The following ROBO1 variants were observed in gnomAD, a reference collection of about 807,000 sequenced individuals.
The protein encoded by ROBO1 is roundabout homolog 1.
In ROBO1, 149 loss-of-function variants were observed where a neutral mutation model predicts 195.9. The ratio of observed to expected loss-of-function variants is 0.76; its 90% CI spans 0.67 to 0.87. ROBO1 has a LOEUF of 0.87. ROBO1 is among the 40% of genes least tolerant of loss of function. The pLI is 0.00. For synonymous variants in ROBO1, 816 were observed against 733.2 expected (o/e 1.11, Z -1.82); for missense variants, 1,933 against 2,068.3 (o/e 0.93, Z 1.27).
intron 18 of ROBO1, among the ~76,000 whole-genome samples, chr3:78,654,612 G>A (rs534447258): frequency 1.3e-4 from 20 of 152,198 alleles, no homozygotes; most frequent in Non-Finnish European, 2.5e-4. Flanking sequence ...CAACCAGATG[G>A]ACTTAACAGA....
At chr3:78,997,565 T>A (rs910697589) in intron 3 of ROBO1, among the ~76,000 whole-genome samples, 4 of 151,948 alleles carry the variant, frequency 2.6e-5, no homozygotes, top group African/African-American at 9.7e-5. Context: ...CACACAGAGA[T>A]CAAGAAGAAA....
chr3:78,752,965 C>T (rs2082834996), intron 4 of ROBO1, among the ~76,000 whole-genome samples: 1 of 152,082 alleles, frequency 6.6e-6, no homozygotes, highest in Admixed American at 6.6e-5. Context: ...AGAAAATATG[C>T]TGGTAGAAGC....
chr3:78,695,350 G>C (rs533942681), intron 8 of ROBO1, among the ~76,000 whole-genome samples: 1 of 152,140 alleles, frequency 6.6e-6, no homozygotes, highest in Non-Finnish European at 1.5e-5. Context: ...TTTAGGCTGG[G>C]TGACGTGGCT....
At chr3:79,195,518 T>C (rs1380127619) in intron 2 of ROBO1, among the ~76,000 whole-genome samples, 1 of 151,666 alleles carries the variant, frequency 6.6e-6, no homozygotes, top group Non-Finnish European at 1.5e-5. Flanking sequence ...CTTTTTACTT[T>C]TTGAAAATTA....
At chr3:79,070,506 T>C (rs546097062) in intron 3 of ROBO1, among the ~76,000 whole-genome samples, 1 of 151,898 alleles carries the variant, frequency 6.6e-6, no homozygotes, top group Non-Finnish European at 1.5e-5. Context: ...GTTGAAGATA[T>C]TATTCCAACG....
In ROBO1 at chr3:78,724,089, G is replaced by T. The variant is rs1281460919; in HGVS notation, c.658-6206C>A. Among the ~76,000 whole-genome samples, 3 of 152,100 alleles carry T rather than the reference G, an allele frequency of 2.0e-5. No individual in the cohort carries two copies. In the East Asian group the frequency reaches 5.8e-4, roughly 29 times the overall value. ...GAGACACTGCCTCAGGGATGATAGA[G>T]ATAGAAACTGGTAAAAGTGAAAGAA... is the stretch of plus-strand genomic sequence containing the variant. On this transcript the variant is annotated intron_variant, in intron 5 of 30. Coordinates refer to ENST00000464233, the MANE Select transcript of ROBO1 (RefSeq NM_002941.4).
chr3:79,377,301 G>A (rs2036419923), intron 2 of ROBO1, among the ~76,000 whole-genome samples: 1 of 152,024 alleles, frequency 6.6e-6, no homozygotes, highest in South Asian at 2.1e-4. Context: ...AAAGTGTTCT[G>A]GCATAAATTA....
At chr3:79,436,575 C>T (rs2038896953) in intron 2 of ROBO1, among the ~76,000 whole-genome samples, 2 of 152,074 alleles carry the variant, frequency 1.3e-5, no homozygotes, top group Admixed American at 1.3e-4. Flanking sequence ...GTCATGTAAA[C>T]TAAGCAGCAT....
chr3:78,713,893 C>G (rs2081831001), intron 8 of ROBO1, among the ~76,000 whole-genome samples: 1 of 152,190 alleles, frequency 6.6e-6, no homozygotes, highest in South Asian at 2.1e-4. Flanking sequence ...TCTGTGCGCA[C>G]AAAACAATTG....
intron 3 of ROBO1, among the ~76,000 whole-genome samples, chr3:78,963,768 C>T (rs1228170527): frequency 2.6e-5 from 4 of 152,038 alleles, no homozygotes; most frequent in Admixed American, 1.3e-4. Context: ...CCACCCGCCT[C>T]GGCTTCCCAA....
At chr3:79,083,704 TCTA>T (rs2079316633) in intron 3 of ROBO1, among the ~76,000 whole-genome samples, 1 of 152,200 alleles carries the variant, frequency 6.6e-6, no homozygotes, top group African/African-American at 2.4e-5. Flanking sequence ...GGCAAAGTAA[TCTA>T]CTGTAAATGA....
intron 2 of ROBO1, among the ~76,000 whole-genome samples, chr3:79,256,818 T>A (rs1205290823): frequency 1.3e-5 from 2 of 152,154 alleles, no homozygotes; most frequent in Non-Finnish European, 2.9e-5. Flanking sequence ...TAATAAACAT[T>A]ACAGGTTATT....
intron 10 of ROBO1, among the ~76,000 whole-genome samples, chr3:78,675,964 C>A (rs942040769): frequency 2.6e-5 from 4 of 152,054 alleles, no homozygotes; most frequent in Non-Finnish European, 4.4e-5. Flanking sequence ...GCCGGGTACT[C>A]CTCTGAGACA....
intron 2 of ROBO1, among the ~76,000 whole-genome samples, chr3:79,219,671 G>A (rs888040530): frequency 6.6e-6 from 1 of 151,942 alleles, no homozygotes; most frequent in African/African-American, 2.4e-5. Flanking sequence ...CATTTTTCTA[G>A]TAATTGCATG....
intron 4 of ROBO1, among the ~76,000 whole-genome samples, chr3:78,767,384 A>G (rs1057188747): frequency 3.3e-5 from 5 of 150,038 alleles, no homozygotes; most frequent in East Asian, 2.0e-4. Context: ...TCCTGCCTCA[A>G]CCTCCTGAGT....
intron 1 of ROBO1, among the ~76,000 whole-genome samples, chr3:79,662,256 T>G (rs976481602): frequency 1.2e-4 from 19 of 152,072 alleles, no homozygotes; most frequent in African/African-American, 4.1e-4. Context: ...CTGGCGATCT[T>G]TCTTCATGAT....
chr3:78,635,840 C>T lies in ROBO1; in HGVS notation c.3306G>A (p.Leu1102=). ...GDSGEKHWKP[L]GQQKQEVAPV... ...GTGCCACTTCTTGTTTCTGCTGTCC[C>T]AGTGGTTTCCAGTGCTTCTCGCCAG... The change falls in exon 23 of 31, where the codon CTG becomes CTA. Residue 1102 remains leucine, a synonymous_variant. Transcript: ENST00000464233. 6.2e-7 allele frequency: 1 copy of T among 1,613,846 alleles called. No individual in the cohort carries two copies. The highest frequency in any genetic ancestry group is 8.5e-7 in the Non-Finnish European group (1 of 1,179,842).
intron 2 of ROBO1, among the ~76,000 whole-genome samples, chr3:79,502,678 G>C (rs1940157257): frequency 8.2e-6 from 1 of 121,342 alleles, no homozygotes. Context: ...AGGCCAGCTG[G>C]GCTCCTGAGT....
intron 2 of ROBO1, among the ~76,000 whole-genome samples, chr3:79,394,984 T>C (rs1480389631): frequency 2.0e-5 from 3 of 152,154 alleles, no homozygotes; most frequent in African/African-American, 7.2e-5. Flanking sequence ...GAAGAACTTA[T>C]GGAGTCTAGA....
Sources: gnomAD v4.1 joint callset for allele counts (sites outside exome capture counted in the v4.1 genomes callset) on GRCh38, gnomAD v4.1.1 for gene constraint, MANE v1.5 for transcripts, NCBI Gene and HGNC (gene_info 2026-07-23, HGNC 2026-07-21) for gene names.